Variants in BCAS3 observed in about 807,000 individuals in gnomAD.
BCAS3 encodes the protein BCAS4/BCAS3 fusion.
BCAS3 carries 53 observed loss-of-function variants against 116.1 expected under a neutral mutation model. That is an observed-to-expected ratio of 0.46 (90% CI 0.37 to 0.57). The LOEUF (loss-of-function observed/expected upper bound fraction) is 0.57. Among genes scored for constraint, BCAS3 ranks in the 20% least tolerant of loss-of-function variants. The pLI, the probability that BCAS3 is intolerant of heterozygous loss-of-function variation, is 0.00. For missense variants in BCAS3, 917 were observed against 1,165.4 expected (o/e 0.79, Z 3.10); for synonymous variants, 391 against 408.2 (o/e 0.96, Z 0.51).
intron 16 of BCAS3, 66 bp downstream of exon 16, chr17:61,015,967 C>A: frequency 6.8e-7 from 1 of 1,465,698 alleles, no homozygotes; most frequent in Non-Finnish European, 9.4e-7. Context: ...AAAAATAAAA[C>A]ATACTTTTTC....
rs747871025 is a variant in BCAS3 at position 61,241,317 on chromosome 17, G to C, written c.2426-127010G>C. On this transcript the variant is annotated intron_variant, in intron 22 of 23. Coordinates refer to ENST00000407086, the MANE Select transcript of BCAS3 (RefSeq NM_017679.5). The surrounding 1 kb of genome is among the most constrained non-coding windows in gnomAD (Gnocchi z 4.6). The stretch of plus-strand genomic sequence containing the variant: ...AGTACCCACGTCTTCCTTTGGCTCT[G>C]TTGTCCTCTGCTTGTTTCATCTTGT... 2.0e-5 allele frequency among the ~76,000 whole-genome samples: 3 copies of C among 152,008 alleles called. No homozygotes were observed. The highest frequency in any genetic ancestry group is 4.4e-5 in the Non-Finnish European group (3 of 68,012).
rs534708133 is a variant in BCAS3 at position 60,873,114 on chromosome 17, A to C, written c.585-1548A>C. On this transcript the variant is annotated intron_variant, in intron 8 of 23. Coordinates refer to ENST00000407086, the MANE Select transcript of BCAS3 (RefSeq NM_017679.5). ...GAATTTACAATTGAGTAATTCTAAA[A>C]TTTGATATTATCACCTTTATAAGGA... Among the ~76,000 whole-genome samples the C allele has an allele frequency of 2.0e-5, 3 of 152,262 alleles. 1 individual carries two copies. The South Asian group carries it at 6.2e-4, about 32-fold the overall frequency.
chr17:61,179,918 G>A (rs1158456878), intron 22 of BCAS3, among the ~76,000 whole-genome samples: 1 of 135,936 alleles, frequency 7.4e-6, no homozygotes, highest in Non-Finnish European at 1.5e-5. Flanking sequence ...TATAGGCCTA[G>A]TGGCATCATC....
Position 61,095,970 on chromosome 17 carries a change from A to G in BCAS3, c.2425+11406A>G, listed in dbSNP as rs188225455. ...GTATATCAAATTTGGAAGTATTGAC[A>G]TCTTAAAAATACTAAATCTTTCAAA... is the stretch of plus-strand genomic sequence containing the variant. On this transcript the variant is annotated intron_variant, in intron 22 of 23. Transcript: ENST00000407086. This position sits in a 1 kb window ranked among gnomAD's most constrained non-coding sequence, Gnocchi z 4.7. Among the ~76,000 whole-genome samples the G allele has an allele frequency of 8.0e-3, 1,225 of 152,266 alleles. 10 individuals are homozygous for G. Among genetic ancestry groups the G allele is most frequent in the South Asian group, 0.027 (131 of 4,820 alleles).
chr17:61,023,622 G>T lies in BCAS3; in HGVS notation c.1637+7721G>T, dbSNP rs2066022299. Among the ~76,000 whole-genome samples, 1 of 152,174 alleles carries T rather than the reference G, an allele frequency of 6.6e-6. No homozygotes were observed. The highest frequency in any genetic ancestry group is 6.5e-5 in the Admixed American group (1 of 15,290). The stretch of plus-strand genomic sequence containing the variant: ...AGCTAGTAAGATTGAAGACTTTGTG[G>T]CACCATGTGGCATTCAACAAAATGA... On this transcript the variant is annotated intron_variant, in intron 16 of 23. Coordinates refer to ENST00000407086, the MANE Select transcript of BCAS3 (RefSeq NM_017679.5). The surrounding 1 kb of genome is among the most constrained non-coding windows in gnomAD (Gnocchi z 4.8).
At chr17:61,178,248 A>G (rs552895468) in intron 22 of BCAS3, among the ~76,000 whole-genome samples, 1 of 152,090 alleles carries the variant, frequency 6.6e-6, no homozygotes, top group Non-Finnish European at 1.5e-5. Flanking sequence ...AGTACTTTAA[A>G]CCTTAGACAT....
At chr17:60,859,849 A>G (rs918121587) in intron 7 of BCAS3, among the ~76,000 whole-genome samples, 3 of 152,108 alleles carry the variant, frequency 2.0e-5, no homozygotes, top group African/African-American at 7.2e-5. Flanking sequence ...AATTACAAGC[A>G]TGAGCCACCA....
intron 4 of BCAS3, among the ~76,000 whole-genome samples, chr17:60,697,272 C>A (rs1398196822): frequency 6.6e-6 from 1 of 151,306 alleles, no homozygotes; most frequent in African/African-American, 2.4e-5. Flanking sequence ...AAGAAAGATT[C>A]AGTTTTGGCT....
intron 6 of BCAS3, among the ~76,000 whole-genome samples, chr17:60,800,197 A>ATATTTCCG (rs2047647316): frequency 6.6e-6 from 1 of 152,100 alleles, no homozygotes; most frequent in Non-Finnish European, 1.5e-5. Flanking sequence ...GCGGCATTTT[A>ATATTTCCG]TATTTCCGCT....
rs1472792569 is a variant in BCAS3, at chr17:61,283,762, T to C, written c.2426-84565T>C. 2.6e-5 allele frequency among the ~76,000 whole-genome samples: 4 copies of C among 151,974 alleles called. No homozygotes were observed. In the East Asian group the frequency reaches 7.7e-4, roughly 29 times the overall value. On this transcript the variant is annotated intron_variant, in intron 22 of 23. Coordinates refer to ENST00000407086, the MANE Select transcript of BCAS3 (RefSeq NM_017679.5). ...GCCACCGCACTTGGCCGTAAATTGA[T>C]TTTTTAAAAAAAAATTTTAGAGACA...
At chr17:61,042,805 A>G (rs2067626283) in intron 19 of BCAS3, among the ~76,000 whole-genome samples, 1 of 146,730 alleles carries the variant, frequency 6.8e-6, no homozygotes, top group African/African-American at 2.5e-5. Context: ...CAGGAGGGTG[A>G]CTTGAACCCG....
chr17:60,732,865 C>A (rs1315992353), intron 5 of BCAS3, among the ~76,000 whole-genome samples: 1 of 151,948 alleles, frequency 6.6e-6, no homozygotes, highest in African/African-American at 2.4e-5. Context: ...TAAAAAAGAC[C>A]TGAGCACTGA....
intron 22 of BCAS3, among the ~76,000 whole-genome samples, chr17:61,252,103 C>T (rs1305813543): frequency 6.6e-6 from 1 of 152,200 alleles, no homozygotes; most frequent in Non-Finnish European, 1.5e-5. Context: ...AAAACGTATG[C>T]TCCAAAACTA....
chr17:61,207,139 G>T (rs1375006158), intron 22 of BCAS3, among the ~76,000 whole-genome samples: 1 of 152,064 alleles, frequency 6.6e-6, no homozygotes, highest in Non-Finnish European at 1.5e-5. Context: ...GGATAGCAGA[G>T]ATGTTTTTCA....
rs1333600923 is a variant in BCAS3, at chr17:61,083,856, G to T, written c.2328-611G>T. Among the ~76,000 whole-genome samples the T allele has an allele frequency of 6.6e-6, 1 of 152,106 alleles. No homozygotes were observed. The highest frequency in any genetic ancestry group is 2.4e-5 in the African/African-American group (1 of 41,432). On this transcript the variant is annotated intron_variant, in intron 21 of 23. Transcript: ENST00000407086. This position sits in a 1 kb window ranked among gnomAD's most constrained non-coding sequence, Gnocchi z 4.9. ...AACTTTAAATTGTGTGTAGTAATTT[G>T]CACGTTTACTGAGGTTCTAATTGAT...
At chr17:61,305,981 G>A (rs1160853348) in intron 22 of BCAS3, among the ~76,000 whole-genome samples, 1 of 152,200 alleles carries the variant, frequency 6.6e-6, no homozygotes, top group Non-Finnish European at 1.5e-5. Flanking sequence ...AGAAACAAGA[G>A]ATAATCCTGT....
intron 10 of BCAS3, among the ~76,000 whole-genome samples, chr17:60,900,451 C>T (rs1246855998): frequency 6.6e-6 from 1 of 152,096 alleles, no homozygotes; most frequent in African/African-American, 2.4e-5. Flanking sequence ...GTTGGGAAGC[C>T]ACTCCCAGCT....
At chr17:61,179,473 C>T (rs973979876) in intron 22 of BCAS3, among the ~76,000 whole-genome samples, 1 of 152,076 alleles carries the variant, frequency 6.6e-6, no homozygotes, top group African/African-American at 2.4e-5. Context: ...AGCTTGCAGG[C>T]CTGCCTTTGA....
Position 61,315,434 on chromosome 17 carries a change from T to C in BCAS3, c.2426-52893T>C, listed in dbSNP as rs2054646521. ...GCGCCCAGCCAACGCACTCCTGTTC[T>C]GAGACACGGGAGGGCATGCAGAGCA... On this transcript the variant is annotated intron_variant, in intron 22 of 23. Transcript: ENST00000407086. This position sits in a 1 kb window ranked among gnomAD's most constrained non-coding sequence, Gnocchi z 5.3. 6.6e-6 allele frequency among the ~76,000 whole-genome samples: 1 copy of C among 152,182 alleles called. No individual in the cohort carries two copies. The highest frequency in any genetic ancestry group is 2.1e-4 in the South Asian group (1 of 4,824).
Sources: gnomAD v4.1 joint callset for allele counts (sites outside exome capture counted in the v4.1 genomes callset) on GRCh38, gnomAD v4.1.1 for gene constraint, Gnocchi (gnomAD v3.1) non-coding constraint, MANE v1.5 for transcripts, NCBI Gene and HGNC (gene_info 2026-07-23, HGNC 2026-07-21) for gene names.